Variants in ZNF487 observed in about 807,000 individuals in gnomAD.
ZNF487 encodes zinc finger protein 487.
In ZNF487, 4 loss-of-function variants were observed where a neutral mutation model predicts 3.0. The ratio of observed to expected loss-of-function variants is 1.35; its 90% CI spans 0.66 to 3.08. The LOEUF is 3.08. Ranked by LOEUF, ZNF487 falls within the 30% of genes most tolerant of loss-of-function variation. ZNF487 has a pLI of 0.01. For missense variants in ZNF487, 146 were observed against 98.7 expected, an observed-to-expected ratio of 1.48 and a Z score of -2.03; for synonymous variants, 55 against 34.6, an observed-to-expected ratio of 1.59 and a Z score of -2.06.
chr10:43,479,110 CACATATATAT>C (rs1841215358), intron 3 of ZNF487, among the ~76,000 whole-genome samples: 1 of 77,782 alleles, frequency 1.3e-5, no homozygotes, highest in South Asian at 4.6e-4. Flanking sequence ...CACATATATA[CACATATATAT>C]GTGTGTATAT....
the ZNF487 span, among the ~76,000 whole-genome samples, chr10:43,521,831 T>C: frequency 2.6e-5 from 4 of 151,864 alleles, no homozygotes; most frequent in East Asian, 1.9e-4. Flanking sequence ...TAAAAAATTA[T>C]ATATGTATAT....
chr10:43,457,022 CAG>C (rs1485426421), intron 1 of ZNF487, among the ~76,000 whole-genome samples: 3 of 152,202 alleles, frequency 2.0e-5, no homozygotes, highest in African/African-American at 4.8e-5. Flanking sequence ...CATGCTTACT[CAG>C]AAAGTAGTTC....
At chr10:43,454,173 C>T (rs533928959) in intron 1 of ZNF487, 1 of 152,298 alleles carries the variant, frequency 6.6e-6, no homozygotes, top group African/African-American at 2.4e-5. Context: ...CTGCCTCAGC[C>T]TCCGGAGTAG....
At chr10:43,442,573 A>G (rs1230827677) in intron 1 of ZNF487, among the ~76,000 whole-genome samples, 1 of 152,044 alleles carries the variant, frequency 6.6e-6, no homozygotes, top group East Asian at 1.9e-4. Flanking sequence ...CCTCCTGAGT[A>G]GCTGGGACTA....
At chr10:43,451,407 G>A (rs1464313800) in intron 1 of ZNF487, among the ~76,000 whole-genome samples, 1 of 149,180 alleles carries the variant, frequency 6.7e-6, no homozygotes, top group Non-Finnish European at 1.5e-5. Flanking sequence ...CACCAGGCCT[G>A]GCTAATTTTG....
At chr10:43,441,405 A>G (rs1839604375) in intron 1 of ZNF487, among the ~76,000 whole-genome samples, 1 of 151,644 alleles carries the variant, frequency 6.6e-6, no homozygotes, top group African/African-American at 2.4e-5. Context: ...AGCTGGGACT[A>G]CAGACACCTG....
At chr10:43,504,342 G>T in the ZNF487 span, among the ~76,000 whole-genome samples, 2 of 128,650 alleles carry the variant, frequency 1.6e-5, no homozygotes, top group Non-Finnish European at 3.1e-5. Flanking sequence ...TGCCCGAGCT[G>T]GAGTGCAATG....
At chr10:43,487,929 CAAAAAA>C (rs76705594), downstream of ZNF487, among the ~76,000 whole-genome samples, 271 of 40,440 alleles carry the variant, frequency 6.7e-3, no homozygotes, top group East Asian at 9.8e-3. Context: ...TACCAAAATA[CAAAAAA>C]AAAAAAAAAA....
chr10:43,522,894 A>AT, the ZNF487 span, among the ~76,000 whole-genome samples: 4 of 151,794 alleles, frequency 2.6e-5, no homozygotes, highest in South Asian at 2.1e-4. Context: ...CTATCACCTG[A>AT]TTTTTTTTCT....
intron 1 of ZNF487, among the ~76,000 whole-genome samples, chr10:43,465,233 T>TG (rs918399490): frequency 4.2e-5 from 5 of 118,782 alleles, no homozygotes; most frequent in Non-Finnish European, 7.1e-5. Flanking sequence ...GCTGGCTGGG[T>TG]GGGGGGCTGA....
At chr10:43,454,922 A>G (rs1423261661) in intron 1 of ZNF487, among the ~76,000 whole-genome samples, 2 of 128,640 alleles carry the variant, frequency 1.6e-5, no homozygotes, top group Non-Finnish European at 1.6e-5. Context: ...TGGGCAACAG[A>G]GCCAGACCTT....
chr10:43,455,361 C>T (rs1003010530), intron 1 of ZNF487, among the ~76,000 whole-genome samples: 1 of 152,212 alleles, frequency 6.6e-6, no homozygotes, highest in African/African-American at 2.4e-5. Context: ...AAGTAAGTCT[C>T]AAATTTTGAG....
intron 1 of ZNF487, among the ~76,000 whole-genome samples, chr10:43,448,686 G>A (rs2819026): frequency 0.66 from 100,254 of 151,760 alleles, 34,584 homozygotes; most frequent in Non-Finnish European, 0.76. Context: ...GCGCGGTGGC[G>A]CACACCTGTA....
the ZNF487 span, among the ~76,000 whole-genome samples, chr10:43,489,158 A>G: frequency 6.6e-6 from 1 of 151,908 alleles, no homozygotes; most frequent in East Asian, 1.9e-4. Flanking sequence ...ACATCAACAT[A>G]TTTAACTTGA....
chr10:43,493,802 C>T, the ZNF487 span, among the ~76,000 whole-genome samples: 6 of 148,064 alleles, frequency 4.1e-5, no homozygotes, highest in South Asian at 6.3e-4. Context: ...ACCCACACTC[C>T]GCTGTGCCTT....
At chr10:43,452,771 T>A (rs1014289221) in intron 1 of ZNF487, 3 of 151,954 alleles carry the variant, frequency 2.0e-5, no homozygotes, top group African/African-American at 7.3e-5. Flanking sequence ...TGTCACCAGT[T>A]TTGAAAAACC....
At chr10:43,493,593 A>T in the ZNF487 span, among the ~76,000 whole-genome samples, 1 of 150,514 alleles carries the variant, frequency 6.6e-6, no homozygotes, top group Non-Finnish European at 1.5e-5. Flanking sequence ...TGGGAGGTTG[A>T]AGTGGGAGGA....
intron 1 of ZNF487, among the ~76,000 whole-genome samples, chr10:43,460,368 TTTTC>T (rs1336451558): frequency 1.9e-4 from 28 of 150,536 alleles, no homozygotes; most frequent in African/African-American, 4.2e-4. Context: ...GAGTCTGTTG[TTTTC>T]TTTCTTTCTT....
chr10:43,445,884 A>G lies in ZNF487; in HGVS notation c.-94+8622A>G, dbSNP rs574147301. On this transcript the variant is annotated intron_variant, in intron 1 of 3. Transcript: ENST00000437590. ...AGATTAGGGAGTGGTGATGACTCTT[A>G]ATGAGCATGCTGCCTTCAAGCATCT... 7.2e-5 allele frequency among the ~76,000 whole-genome samples: 11 copies of G among 152,186 alleles called. 1 individual carries two copies. Among genetic ancestry groups the G allele is most frequent in the East Asian group, 1.9e-4 (1 of 5,160 alleles).
Sources: allele counts gnomAD v4.1 joint callset (sites outside exome capture counted in the v4.1 genomes callset), GRCh38; gene constraint gnomAD v4.1.1; transcripts MANE v1.5; gene names NCBI Gene and HGNC (gene_info 2026-07-23, HGNC 2026-07-21).